Variants in TOGARAM2 observed in about 807,000 individuals in gnomAD.
TOGARAM2 encodes TOG array regulator of axonemal microtubules protein 2.
Under a neutral mutation model 93.3 loss-of-function variants are expected in TOGARAM2, and 85 were observed. That is an observed-to-expected ratio of 0.91 (90% confidence interval 0.76 to 1.09). The LOEUF is 1.09. Among genes scored for constraint, TOGARAM2 ranks in the 50% least tolerant of loss-of-function variants. TOGARAM2 has a pLI of 0.00. For missense variants in TOGARAM2, 1,277 were observed against 1,334.5 expected (o/e 0.96, Z 0.67); for synonymous variants, 593 against 552.8 (o/e 1.07, Z -1.02).
intron 1 of TOGARAM2, among the ~76,000 whole-genome samples, chr2:28,990,051 G>A (rs1450207801): frequency 6.6e-6 from 1 of 152,152 alleles, no homozygotes; most frequent in Non-Finnish European, 1.5e-5. Flanking sequence ...TCTACGGCCT[G>A]GGCTGCCTCC....
intron 1 of TOGARAM2, among the ~76,000 whole-genome samples, chr2:28,976,178 G>A (rs1351357150): frequency 6.6e-6 from 1 of 152,162 alleles, no homozygotes; most frequent in Non-Finnish European, 1.5e-5. Context: ...AGACCATCCT[G>A]GCTAACATGG....
chr2:29,003,266 T>C (rs998101811), intron 5 of TOGARAM2, among the ~76,000 whole-genome samples: 3 of 152,194 alleles, frequency 2.0e-5, no homozygotes, highest in Non-Finnish European at 4.4e-5. Flanking sequence ...TCTGATGTTC[T>C]AGGATTTTTC....
At chr2:29,016,229 G>C (rs1456014039) in intron 8 of TOGARAM2, among the ~76,000 whole-genome samples, 1 of 152,080 alleles carries the variant, frequency 6.6e-6, no homozygotes, top group Non-Finnish European at 1.5e-5. Context: ...TCAGCGAAGA[G>C]AGTGAGCTGC....
intron 1 of TOGARAM2, among the ~76,000 whole-genome samples, chr2:28,982,446 C>T (rs1340174534): frequency 1.3e-5 from 2 of 152,152 alleles, no homozygotes; most frequent in Non-Finnish European, 2.9e-5. Flanking sequence ...GTGTGAGGGG[C>T]CCATAATCGC....
Position 29,040,361 on chromosome 2 carries a change from G to GA in TOGARAM2, c.2635+3611dup, listed in dbSNP as rs532225577. On this transcript the variant is annotated intron_variant, in intron 18 of 19. Coordinates refer to ENST00000379558, the MANE Select transcript of TOGARAM2 (RefSeq NM_199280.4). ...TGAAGATACAAAGCATTTGAAAGGG[G>GA]AAAAAAATCCCTCACTCATAGTCCC... Among the ~76,000 whole-genome samples the GA allele has an allele frequency of 7.3e-4, 111 of 152,240 alleles. 2 individuals carry two copies. In the East Asian group the frequency reaches 0.012, roughly 16 times the overall value.
At chr2:28,960,950 G>A (rs1671798062) in intron 1 of TOGARAM2, among the ~76,000 whole-genome samples, 1 of 152,186 alleles carries the variant, frequency 6.6e-6, no homozygotes, top group Admixed American at 6.5e-5. Context: ...AGACATCAAA[G>A]GTGATGCTGT....
At position 28,998,188 on chromosome 2, in the gene TOGARAM2, G is replaced by A. The variant is rs537276263; in HGVS notation, c.74G>A (p.Arg25Gln). The stretch of plus-strand genomic sequence containing the variant: ...GCCGTGTACTGCGGGAGCATCCCTC[G>A]GACCAGTGCTGGGCCCCGGGTGCTC... ...PVAVYCGSIP[R>Q]TSAGPRVLPP... The change falls in exon 3 of 20, where the codon CGG becomes CAG. Residue 25 changes from arginine to glutamine, a missense_variant. By Grantham distance (43) the Arg-to-Gln change is conservative. Coordinates refer to ENST00000379558, the MANE Select transcript of TOGARAM2 (RefSeq NM_199280.4). 1.4e-4 allele frequency: 220 copies of A among 1,612,084 alleles called. No homozygotes were observed. The highest frequency in any genetic ancestry group is 1.7e-4 in the Non-Finnish European group (199 of 1,179,218).
chr2:28,977,795 G>A (rs998738762), upstream of TOGARAM2, among the ~76,000 whole-genome samples: 5 of 152,160 alleles, frequency 3.3e-5, no homozygotes, highest in African/African-American at 1.2e-4. Context: ...GGAAGTGCTG[G>A]CCCTAGAAAG....
intron 12 of TOGARAM2, 142 bp from the exon 13 acceptor site, chr2:29,023,997 G>A: frequency 1.5e-6 from 1 of 650,956 alleles, no homozygotes; most frequent in Non-Finnish European, 2.7e-6. Flanking sequence ...TGGCTGCAGG[G>A]TTTTTGTTTC....
At position 28,956,809 on chromosome 2, in the gene TOGARAM2, A is replaced by ACAC. The variant is rs1671725314; in HGVS notation, c.-147+113_-147+115dup. ...TGTAACAATTTATAGATGAGCTTCC[A>ACAC]CACAATATTTTACCCAAGTTAAAAA... is the stretch of plus-strand genomic sequence containing the variant. On this transcript the variant is annotated intron_variant, in intron 1 of 6. Coordinates refer to the TOGARAM2 transcript ENST00000401723. The surrounding 1 kb of genome is among the most constrained non-coding windows in gnomAD (Gnocchi z 4.5). 1 of 152,210 alleles carries ACAC rather than the reference A, an allele frequency of 6.6e-6. No homozygotes were observed. Among genetic ancestry groups the ACAC allele is most frequent in the African/African-American group, 2.4e-5 (1 of 41,450 alleles). 9.4% of individuals were successfully genotyped at this position (152,210 alleles called of 1,614,324 possible).
chr2:28,992,492 C>A (rs1672782689), intron 1 of TOGARAM2, among the ~76,000 whole-genome samples: 2 of 152,132 alleles, frequency 1.3e-5, no homozygotes, highest in Non-Finnish European at 2.9e-5. Flanking sequence ...GCTGCCTTGG[C>A]ATGTTGACCT....
chr2:29,024,291 A>G lies in TOGARAM2; in HGVS notation c.1770A>G (p.Arg590=), dbSNP rs1412986268. The G allele has an allele frequency of 2.5e-6, 4 of 1,613,428 alleles. No individual in the cohort carries two copies. The East Asian group carries it at 8.9e-5, about 36-fold the overall frequency. Residue 590 remains arginine (R), a synonymous_variant, in exon 13 of 20, where the codon AGA becomes AGG. Coordinates refer to ENST00000379558, the MANE Select transcript of TOGARAM2 (RefSeq NM_199280.4). ...KMADTNEFIQ[R]AAGQSLRAMV... is the part of the protein sequence containing the mutation. ...CGGACACCAACGAGTTCATCCAGAG[A>G]GCAGCCGGCCAGTCTCTGAGGGCTA... is the stretch of plus-strand genomic sequence containing the variant.
intron 2 of TOGARAM2, 106 bp downstream of exon 2, chr2:28,994,968 G>GTTATCTCCCAGCAGCC: frequency 7.2e-7 from 1 of 1,379,404 alleles, no homozygotes; most frequent in Non-Finnish European, 1.0e-6. Context: ...ATAAAGGGCT[G>GTTATCTCCCAGCAGCC]CTGGGAGATA....
At chr2:29,029,903 A>G (rs1418146821) in intron 14 of TOGARAM2, among the ~76,000 whole-genome samples, 2 of 152,192 alleles carry the variant, frequency 1.3e-5, no homozygotes, top group African/African-American at 2.4e-5. Context: ...CTACTAAAGA[A>G]CTTACTCATG....
chr2:28,970,171 T>C (rs907728358), intron 1 of TOGARAM2, among the ~76,000 whole-genome samples: 3 of 152,146 alleles, frequency 2.0e-5, no homozygotes, highest in African/African-American at 7.2e-5. Context: ...ACAATATTTT[T>C]CCCCTATTTT....
chr2:28,979,166 G>A (rs72786137), upstream of TOGARAM2, among the ~76,000 whole-genome samples: 11,314 of 152,052 alleles, frequency 0.074, 490 homozygotes, highest in African/African-American at 0.12. Flanking sequence ...CCAGAGGCCC[G>A]GGGCTCAGGT....
chr2:29,000,231 G>A (rs1673214911), intron 4 of TOGARAM2, among the ~76,000 whole-genome samples: 1 of 152,150 alleles, frequency 6.6e-6, no homozygotes. Context: ...TTGGCAGCTA[G>A]GAGGCTCTCA....
intron 18 of TOGARAM2, among the ~76,000 whole-genome samples, chr2:29,045,008 AC>A (rs1163791907): frequency 4.0e-5 from 6 of 151,842 alleles, no homozygotes; most frequent in Non-Finnish European, 8.8e-5. Flanking sequence ...CTATCTACCT[AC>A]CTACCTACCT....
intron 1 of TOGARAM2, among the ~76,000 whole-genome samples, chr2:28,994,520 A>G (rs1672896179): frequency 6.6e-6 from 1 of 152,222 alleles, no homozygotes; most frequent in Non-Finnish European, 1.5e-5. Context: ...GACACTCTTC[A>G]TAACGAACTC....
Sources: allele counts gnomAD v4.1 joint callset (sites outside exome capture counted in the v4.1 genomes callset), GRCh38; gene constraint gnomAD v4.1.1; non-coding constraint Gnocchi (gnomAD v3.1); transcripts MANE v1.5; gene names NCBI Gene and HGNC (gene_info 2026-07-23, HGNC 2026-07-21).